Variants in GALNTL6 observed in about 807,000 individuals in gnomAD.
The protein encoded by GALNTL6 is polypeptide N-acetylgalactosaminyltransferase like 6, also known as polypeptide N-acetylgalactosaminyltransferase-like 6.
In GALNTL6, 46 loss-of-function variants were observed where a neutral mutation model predicts 73.7. The ratio of observed to expected loss-of-function variants is 0.62; its 90% confidence interval spans 0.49 to 0.80. The LOEUF (loss-of-function observed/expected upper bound fraction) is 0.80. Ranked by LOEUF, GALNTL6 falls within the 30% of genes least tolerant of loss-of-function variation. GALNTL6 has a pLI of 0.00. For missense variants in GALNTL6, 604 were observed against 755.0 expected (o/e 0.80, Z 2.34); for synonymous variants, 259 against 263.7 (o/e 0.98, Z 0.17).
intron 2 of GALNTL6, among the ~76,000 whole-genome samples, chr4:172,115,091 C>A (rs1327036846): frequency 6.6e-6 from 1 of 152,066 alleles, no homozygotes; most frequent in Admixed American, 6.6e-5. Flanking sequence ...GCTCTATATC[C>A]TTCCTTTCTA....
intron 10 of GALNTL6, among the ~76,000 whole-genome samples, chr4:172,982,033 G>C (rs1561069090): frequency 6.6e-6 from 1 of 152,024 alleles, no homozygotes; most frequent in Non-Finnish European, 1.5e-5. Flanking sequence ...GACCTCAGGT[G>C]ATCTGCCTGC....
intron 5 of GALNTL6, among the ~76,000 whole-genome samples, chr4:172,374,578 T>A (rs928481004): frequency 6.6e-6 from 1 of 152,202 alleles, no homozygotes; most frequent in Non-Finnish European, 1.5e-5. Flanking sequence ...TCATGGGCTT[T>A]TTCCTAATTC....
Position 173,031,619 on chromosome 4 carries a change from G to GA in GALNTL6, c.1639-8304dup, listed in dbSNP as rs1040335607. 1.1e-3 allele frequency among the ~76,000 whole-genome samples: 159 copies of GA among 146,980 alleles called. 1 individual carries two copies. Among genetic ancestry groups the GA allele is most frequent in the African/African-American group, 3.0e-3 (122 of 40,116 alleles). The stretch of plus-strand genomic sequence containing the variant: ...GGTTGCTTAAGTGGGTTTAGGTAGG[G>GA]AAAAAAAAAAGAGAGAGAGAGAGAA... On this transcript the variant is annotated intron_variant, in intron 12 of 12. Transcript: ENST00000506823.
intron 2 of GALNTL6, among the ~76,000 whole-genome samples, chr4:171,867,126 C>A (rs1735992327): frequency 6.6e-6 from 1 of 151,766 alleles, no homozygotes; most frequent in African/African-American, 2.4e-5. Context: ...CTAGAAAACT[C>A]TAGAGAAAAT....
At chr4:172,286,715 G>A (rs1222742178) in intron 3 of GALNTL6, among the ~76,000 whole-genome samples, 4 of 152,178 alleles carry the variant, frequency 2.6e-5, no homozygotes, top group South Asian at 2.1e-4. Flanking sequence ...GGGGGAGGAC[G>A]GTGCACAATA....
At chr4:172,166,716 A>C (rs550538252) in intron 2 of GALNTL6, among the ~76,000 whole-genome samples, 2 of 152,292 alleles carry the variant, frequency 1.3e-5, no homozygotes, top group South Asian at 4.1e-4. Flanking sequence ...TTACAAACCA[A>C]TTGCTTGTTT....
At chr4:172,127,903 G>A (rs1733348465) in intron 2 of GALNTL6, among the ~76,000 whole-genome samples, 1 of 152,032 alleles carries the variant, frequency 6.6e-6, no homozygotes, top group African/African-American at 2.4e-5. Context: ...AGGGGTTTGA[G>A]GCCAGCCTGA....
chr4:171,886,237 C>T (rs1299325901), intron 2 of GALNTL6, among the ~76,000 whole-genome samples: 2 of 151,984 alleles, frequency 1.3e-5, no homozygotes, highest in South Asian at 4.1e-4. Context: ...TCAAAAAAAG[C>T]ATTTCCAACA....
intron 3 of GALNTL6, among the ~76,000 whole-genome samples, chr4:172,286,571 A>G (rs1272235504): frequency 6.6e-6 from 1 of 152,222 alleles, no homozygotes; most frequent in Admixed American, 6.5e-5. Context: ...AATTCAGGTT[A>G]TGGGCTAATG....
intron 5 of GALNTL6, among the ~76,000 whole-genome samples, chr4:172,452,913 G>T (rs928656391): frequency 1.2e-4 from 19 of 152,144 alleles, no homozygotes; most frequent in African/African-American, 4.3e-4. Flanking sequence ...GTAATGCTAA[G>T]ATGTGAGGGC....
chr4:172,648,274 C>G (rs1389441487), intron 5 of GALNTL6, among the ~76,000 whole-genome samples: 1 of 152,116 alleles, frequency 6.6e-6, no homozygotes, highest in African/African-American at 2.4e-5. Context: ...TTCAGAAATA[C>G]AGCTCCTAAA....
At chr4:171,828,305 C>G (rs147307466) in intron 2 of GALNTL6, among the ~76,000 whole-genome samples, 2 of 152,142 alleles carry the variant, frequency 1.3e-5, no homozygotes, top group Non-Finnish European at 2.9e-5. Flanking sequence ...TCTAGTAAAT[C>G]GCTATCTCAG....
At chr4:172,057,939 G>C (rs975016014) in intron 2 of GALNTL6, among the ~76,000 whole-genome samples, 3 of 151,274 alleles carry the variant, frequency 2.0e-5, no homozygotes, top group African/African-American at 7.3e-5. Context: ...CCATTTTTCC[G>C]CACATGTTTT....
At chr4:171,847,390 C>T (rs1030347914) in intron 2 of GALNTL6, among the ~76,000 whole-genome samples, 3 of 152,074 alleles carry the variant, frequency 2.0e-5, no homozygotes, top group Non-Finnish European at 2.9e-5. Context: ...AGACTTGCCT[C>T]GATGTTGATG....
intron 5 of GALNTL6, among the ~76,000 whole-genome samples, chr4:172,392,418 C>A (rs1459884842): frequency 6.6e-6 from 1 of 151,588 alleles, no homozygotes; most frequent in Non-Finnish European, 1.5e-5. Context: ...TTCTCTTTGA[C>A]AAGTAAAAAC....
intron 3 of GALNTL6, among the ~76,000 whole-genome samples, chr4:172,256,204 G>C (rs1193569809): frequency 6.6e-6 from 1 of 150,930 alleles, no homozygotes; most frequent in Non-Finnish European, 1.5e-5. Context: ...TTCTTCTTCT[G>C]TTTCGCCTGT....
At chr4:172,005,506 A>G (rs1308683291) in intron 2 of GALNTL6, among the ~76,000 whole-genome samples, 1 of 152,172 alleles carries the variant, frequency 6.6e-6, no homozygotes, top group African/African-American at 2.4e-5. Flanking sequence ...ACACTACAGA[A>G]TGAACTAGTT....
intron 3 of GALNTL6, among the ~76,000 whole-genome samples, chr4:172,231,127 G>A (rs1560981127): frequency 6.6e-6 from 1 of 152,170 alleles, no homozygotes; most frequent in East Asian, 1.9e-4. Flanking sequence ...ATGAATGGTC[G>A]TGAAAATGAG....
Position 172,069,196 on chromosome 4 carries a change from T to C in GALNTL6, c.139-160460T>C, listed in dbSNP as rs1018646600. Among the ~76,000 whole-genome samples, 4 of 108,510 alleles carry C rather than the reference T, an allele frequency of 3.7e-5. 2 individuals are homozygous for C. Among genetic ancestry groups the C allele is most frequent in the African/African-American group, 7.0e-5 (2 of 28,688 alleles). 71.2% of individuals were successfully genotyped at this position (108,510 alleles called of 152,430 possible). A position where few individuals can be genotyped will look rare whatever the true frequency, so the allele number is the denominator to read the frequency against. On this transcript the variant is annotated intron_variant, in intron 2 of 12. Transcript: ENST00000506823. ...CTTTTATCCTGAATATGCAATTTTT[T>C]CCTATGTATTGATAACCTAGGTCAT...
Sources: gnomAD v4.1 joint callset for allele counts (sites outside exome capture counted in the v4.1 genomes callset) on GRCh38, gnomAD v4.1.1 for gene constraint, MANE v1.5 for transcripts, NCBI Gene and HGNC (gene_info 2026-07-23, HGNC 2026-07-21) for gene names.